YTHDC1: variants seen among roughly 807,000 people sequenced by gnomAD.
YTHDC1 encodes the protein YTH domain-containing protein 1.
YTHDC1 carries 12 observed loss-of-function variants against 107.0 expected under a neutral mutation model. That is an observed-to-expected ratio of 0.11 (90% CI 0.07 to 0.18). The LOEUF (loss-of-function observed/expected upper bound fraction) is 0.18, where lower values mean the gene tolerates loss of function less well. Among genes scored for constraint, YTHDC1 ranks in the 10% least tolerant of loss-of-function variants. The probability of loss-of-function intolerance (pLI) is 1.00; values close to 1 mark genes in which losing one functional copy is unlikely to be tolerated. For synonymous variants in YTHDC1, 280 were observed against 289.5 expected, an observed-to-expected ratio of 0.97 and a Z score of 0.33; for missense variants, 635 against 898.8, an observed-to-expected ratio of 0.71 and a Z score of 3.75.
intron 1 of YTHDC1, among the ~76,000 whole-genome samples, chr4:68,348,075 T>C (rs971500837): frequency 5.3e-5 from 8 of 152,208 alleles, no homozygotes; most frequent in Admixed American, 6.5e-5. Context: ...ACAGGTGATA[T>C]CACTACTTCC....
At chr4:68,325,406 A>C (rs929213404) in intron 9 of YTHDC1, among the ~76,000 whole-genome samples, 3 of 152,192 alleles carry the variant, frequency 2.0e-5, no homozygotes, top group African/African-American at 7.2e-5. Context: ...GTAGAGAACT[A>C]AGGCAGGGAT....
Position 68,322,458 on chromosome 4 carries a change from C to G in YTHDC1, c.1601+291G>C, listed in dbSNP as rs1722538611. Reference sequence around the variant, plus strand: ...CCTGTTCTTAGCAACAAATGCCTACCTCATTTCAATTGTATACATTGTATT... The same window carrying G: ...CCTGTTCTTAGCAACAAATGCCTACGTCATTTCAATTGTATACATTGTATT... On this transcript the variant is annotated intron_variant, in intron 11 of 16. Transcript: ENST00000344157. This position sits in a 1 kb window ranked among gnomAD's most constrained non-coding sequence, Gnocchi z 4.8. The G allele has an allele frequency of 3.1e-6, 1 of 318,240 alleles. No homozygotes were observed. Among genetic ancestry groups the G allele is most frequent in the Non-Finnish European group, 5.7e-6 (1 of 176,118 alleles). 19.7% of individuals were successfully genotyped at this position (318,240 alleles called of 1,614,324 possible).
At position 68,349,790 on chromosome 4, in the gene YTHDC1, G is replaced by C; in HGVS notation, c.-37C>G. On this transcript the variant is annotated 5_prime_UTR_variant, in exon 1 of 17. Coordinates refer to ENST00000344157, the MANE Select transcript of YTHDC1 (RefSeq NM_001031732.4). ...GGTTTCCGCCGCTGCCACCGCCGCCGCCGCTTAGACGCGACTCGCGCGGGC... is the reference window on the plus strand; with the variant it reads ...GGTTTCCGCCGCTGCCACCGCCGCCCCCGCTTAGACGCGACTCGCGCGGGC... The C allele has an allele frequency of 1.2e-6, 2 of 1,612,576 alleles. No individual in the cohort carries two copies. The highest frequency in any genetic ancestry group is 1.7e-6 in the Non-Finnish European group (2 of 1,179,656).
At chr4:68,349,569 G>A (rs1344867683) in intron 1 of YTHDC1, among the ~76,000 whole-genome samples, 157 bp downstream of exon 1, 1 of 152,060 alleles carries the variant, frequency 6.6e-6, no homozygotes, top group African/African-American at 2.4e-5. Flanking sequence ...CCTGGTCTCC[G>A]CCAGAGTCTA....
chr4:68,338,230 ATCTCC>A, intron 2 of YTHDC1, 48 bp downstream of exon 2: 1 of 1,464,154 alleles, frequency 6.8e-7, no homozygotes. Context: ...AAGAAATTGA[ATCTCC>A]TCTATTTATA....
intron 12 of YTHDC1, among the ~76,000 whole-genome samples, chr4:68,319,293 G>A (rs1310424429): frequency 2.0e-5 from 3 of 152,150 alleles, no homozygotes; most frequent in East Asian, 3.8e-4. Context: ...TAAACTTAAG[G>A]GGGAGGGGGA....
At chr4:68,317,035 A>G (rs1721935885) in intron 15 of YTHDC1, among the ~76,000 whole-genome samples, 1 of 152,182 alleles carries the variant, frequency 6.6e-6, no homozygotes, top group East Asian at 1.9e-4. Flanking sequence ...GTTGGAGACC[A>G]GCTTGGGTAA....
At chr4:68,319,691 C>A (rs1010042041) in intron 12 of YTHDC1, among the ~76,000 whole-genome samples, 2 of 151,932 alleles carry the variant, frequency 1.3e-5, no homozygotes, top group Admixed American at 6.6e-5. Flanking sequence ...GATTACATAC[C>A]GAGTATTTCC....
chr4:68,336,595 T>G (rs1052048754), intron 4 of YTHDC1, among the ~76,000 whole-genome samples: 1 of 152,154 alleles, frequency 6.6e-6, no homozygotes, highest in African/African-American at 2.4e-5. Flanking sequence ...AAAAAAGAAA[T>G]AATCTGTTTT....
intron 15 of YTHDC1, 56 bp downstream of exon 15, chr4:68,318,463 A>T: frequency 6.7e-6 from 10 of 1,487,800 alleles, no homozygotes; most frequent in Non-Finnish European, 9.2e-6. Flanking sequence ...TAAGCACCTG[A>T]AATACTAGAA....
chr4:68,332,011 A>G (rs1376155696), intron 7 of YTHDC1, 92 bp downstream of exon 7: 6 of 719,310 alleles, frequency 8.3e-6, no homozygotes, highest in Non-Finnish European at 1.3e-5. Context: ...AATGAAAATC[A>G]TAATACCTAT....
chr4:68,326,851 A>G (rs886603548), intron 9 of YTHDC1, among the ~76,000 whole-genome samples: 1 of 151,156 alleles, frequency 6.6e-6, no homozygotes, highest in Non-Finnish European at 1.5e-5. Context: ...TCAGCCTCCC[A>G]AAGTGCTGGG....
chr4:68,315,368 T>C (rs1388488845), intron 16 of YTHDC1, among the ~76,000 whole-genome samples: 2 of 152,170 alleles, frequency 1.3e-5, no homozygotes, highest in South Asian at 2.1e-4. Context: ...GTCTCAAAGA[T>C]AGGCTAGAAA....
intron 1 of YTHDC1, among the ~76,000 whole-genome samples, chr4:68,344,426 T>C (rs1725191538): frequency 6.6e-6 from 1 of 152,090 alleles, no homozygotes; most frequent in Non-Finnish European, 1.5e-5. Context: ...GGAGGAAAGC[T>C]AAAGGGGACA....
chr4:68,327,426 CTCTT>C (rs34250386), intron 9 of YTHDC1, among the ~76,000 whole-genome samples: 76,383 of 151,284 alleles, frequency 0.5, 19,398 homozygotes, highest in South Asian at 0.6. Flanking sequence ...ATGCCTCCCT[CTCTT>C]TATCAGCTAA....
Position 68,313,328 on chromosome 4 carries a change from A to C in YTHDC1, c.*771T>G, listed in dbSNP as rs915515196. On this transcript the variant is annotated 3_prime_UTR_variant, in exon 17 of 17. Coordinates refer to ENST00000344157, the MANE Select transcript of YTHDC1 (RefSeq NM_001031732.4). ...AAAAAGATACAAAAGATAACCGTCAATCTTTACCAATTTATTTTATACAAA... is the reference window on the plus strand; with the variant it reads ...AAAAAGATACAAAAGATAACCGTCACTCTTTACCAATTTATTTTATACAAA... The C allele has an allele frequency of 1.3e-5, 2 of 152,654 alleles. No homozygotes were observed. The highest frequency in any genetic ancestry group is 2.9e-5 in the Non-Finnish European group (2 of 68,038). 9.5% of individuals were successfully genotyped at this position (152,654 alleles called of 1,614,324 possible).
chr4:68,332,077 A>G, intron 7 of YTHDC1, 26 bp downstream of exon 7: 1 of 1,449,396 alleles, frequency 6.9e-7, no homozygotes, highest in South Asian at 1.3e-5. Context: ...ATATTAGGAT[A>G]GTTTCAACAG....
chr4:68,325,427 CAA>C (rs2109698943), intron 9 of YTHDC1, among the ~76,000 whole-genome samples: 1 of 152,216 alleles, frequency 6.6e-6, no homozygotes, highest in East Asian at 1.9e-4. Flanking sequence ...ACATTTGAAA[CAA>C]AGAGAAGGGC....
Position 68,319,441 on chromosome 4 carries a change from T to C in YTHDC1, c.1685-579A>G, listed in dbSNP as rs549585732. On this transcript the variant is annotated intron_variant, in intron 12 of 16. Transcript: ENST00000344157. ...AAATGTAAAAACATTTGAGTAGTCA[T>C]GTTACTGGGGAAAAACTATTTTCAC... is the stretch of plus-strand genomic sequence containing the variant. Among the ~76,000 whole-genome samples the C allele has an allele frequency of 3.9e-5, 6 of 152,314 alleles. No homozygotes were observed. The South Asian group carries it at 1.0e-3, about 26-fold the overall frequency.
Sources: allele counts gnomAD v4.1 joint callset (sites outside exome capture counted in the v4.1 genomes callset), GRCh38; gene constraint gnomAD v4.1.1; non-coding constraint Gnocchi (gnomAD v3.1); transcripts MANE v1.5; gene names NCBI Gene and HGNC (gene_info 2026-07-23, HGNC 2026-07-21).